PKM: variants seen among roughly 807,000 people sequenced by gnomAD.
The protein encoded by PKM is pyruvate kinase M1/2.
Under a neutral mutation model 49.8 loss-of-function variants are expected in PKM, and 18 were observed. The ratio of observed to expected loss-of-function variants is 0.36; its 90% CI spans 0.25 to 0.54. PKM has a LOEUF of 0.54. PKM is among the 20% of genes least tolerant of loss of function. PKM has a pLI of 0.89. For synonymous variants in PKM, 239 were observed against 261.8 expected, an observed-to-expected ratio of 0.91 and a Z score of 0.84; for missense variants, 508 against 713.8, an observed-to-expected ratio of 0.71 and a Z score of 3.28.
chr15:72,205,577 C>G (rs958137389), intron 8 of PKM, among the ~76,000 whole-genome samples: 1 of 148,488 alleles, frequency 6.7e-6, no homozygotes, highest in South Asian at 2.1e-4. Context: ...TAACAGGATA[C>G]ATAGTGAAAA....
intron 2 of PKM, 111 bp downstream of exon 2, chr15:72,218,833 T>C (rs927843245): frequency 9.3e-7 from 1 of 1,074,832 alleles, no homozygotes; most frequent in Non-Finnish European, 1.4e-6. Context: ...AGAATCTGTG[T>C]AGTATCCCAT....
intron 6 of PKM, among the ~76,000 whole-genome samples, chr15:72,207,527 G>C (rs965403158): frequency 2.0e-5 from 3 of 152,208 alleles, no homozygotes; most frequent in Admixed American, 1.3e-4. Context: ...AGAAAGGGGA[G>C]AGGGCAAATC....
At chr15:72,215,827 G>T (rs1321712662) in intron 3 of PKM, among the ~76,000 whole-genome samples, 1 of 152,014 alleles carries the variant, frequency 6.6e-6, no homozygotes, top group Non-Finnish European at 1.5e-5. Context: ...CTCCAGCATT[G>T]TCTTCAGCTC....
chr15:72,229,271 A>C (rs1310321980), intron 1 of PKM, among the ~76,000 whole-genome samples: 1 of 152,242 alleles, frequency 6.6e-6, no homozygotes, highest in Non-Finnish European at 1.5e-5. Context: ...ACACTTACTG[A>C]GTGTGCCACA....
chr15:72,222,150 G>A (rs990170852), intron 1 of PKM, among the ~76,000 whole-genome samples: 4 of 152,168 alleles, frequency 2.6e-5, no homozygotes, highest in Non-Finnish European at 5.9e-5. Flanking sequence ...TAAATCTGAT[G>A]CCTATAAGCT....
chr15:72,203,103 A>C (rs748025779), intron 8 of PKM: 2 of 1,614,184 alleles, frequency 1.2e-6, no homozygotes, highest in Non-Finnish European at 1.7e-6. Flanking sequence ...CATGGCTTCC[A>C]TGAGGTCTGT....
intron 1 of PKM, chr15:72,230,898 G>T: frequency 7.8e-7 from 1 of 1,283,538 alleles, no homozygotes; most frequent in Non-Finnish European, 1.0e-6. Context: ...CGGCGGACCC[G>T]CCTGATCTGG....
At chr15:72,209,598 C>T (rs1412080542) in intron 5 of PKM, 75 bp downstream of exon 5, 2 of 1,320,480 alleles carry the variant, frequency 1.5e-6, no homozygotes, top group Non-Finnish European at 1.1e-6. Flanking sequence ...ACCAACCTTC[C>T]CATCTTCCTT....
rs777051610 is a variant in PKM, at chr15:72,202,629, G to A, written c.1141-9C>T. ...TCTGCCTCACGGGCAATCTAGGGGAGCAACATCCGTCCAGAGGGACGAGAG... is the reference window on the plus strand; with the variant it reads ...TCTGCCTCACGGGCAATCTAGGGGAACAACATCCGTCCAGAGGGACGAGAG... On this transcript the variant is annotated splice_polypyrimidine_tract_variant and intron_variant, in intron 8 of 10. Transcript: ENST00000335181. The surrounding 1 kb of genome is among the most constrained non-coding windows in gnomAD (Gnocchi z 4.5). The A allele has an allele frequency of 1.9e-6, 3 of 1,611,234 alleles. No individual in the cohort carries two copies. The African/African-American group carries it at 4.0e-5, about 22-fold the overall frequency.
intron 8 of PKM, among the ~76,000 whole-genome samples, chr15:72,205,081 G>A (rs539161069): frequency 6.6e-6 from 1 of 152,228 alleles, no homozygotes; most frequent in East Asian, 1.9e-4. Flanking sequence ...GGGCCTGGGA[G>A]AGAAATCACT....
intron 1 of PKM, among the ~76,000 whole-genome samples, chr15:72,221,523 AC>A (rs1290228479): frequency 1.3e-5 from 2 of 152,032 alleles, no homozygotes; most frequent in Non-Finnish European, 2.9e-5. Flanking sequence ...GAGGATATAT[AC>A]TGAAATTTTA....
At position 72,231,034 on chromosome 15, in the gene PKM, C is replaced by T. The variant is rs575017944; in HGVS notation, c.-14+82G>A. On this transcript the variant is annotated intron_variant, in intron 1 of 10. Transcript: ENST00000335181. ...GCCGCCCTGCCTGCGTGCCCGGGGC[C>T]GGCCGGCGCGCCGGGATTCCGCACT... The T allele has an allele frequency of 1.4e-4, 150 of 1,105,696 alleles. 1 individual carries two copies. In the East Asian group the frequency reaches 6.6e-3, roughly 49 times the overall value. 68.5% of individuals were successfully genotyped at this position (1,105,696 alleles called of 1,614,324 possible).
chr15:72,209,844 C>T lies in PKM; in HGVS notation c.394G>A (p.Val132Met). The T allele has an allele frequency of 1.9e-6, 3 of 1,614,100 alleles. No individual in the cohort carries two copies. Among genetic ancestry groups the T allele is most frequent in the Non-Finnish European group, 2.5e-6 (3 of 1,179,984 alleles). Reference sequence around the variant, plus strand: ...AGAGTGGCTCCCTTCTTCAGCTCCACCTCTGCAGTGCCGCTCTAGGGACAA... The same window carrying T: ...AGAGTGGCTCCCTTCTTCAGCTCCATCTCTGCAGTGCCGCTCTAGGGACAA... Reference protein sequence around the residue: ...GLIKGSGTAEVELKKGATLKI... With the variant: ...GLIKGSGTAEMELKKGATLKI... Residue 132 changes from valine to methionine, a missense_variant, in exon 5 of 11, where the codon GTG becomes ATG. Coordinates refer to ENST00000335181, the MANE Select transcript of PKM (RefSeq NM_002654.6).
chr15:72,223,787 A>G (rs906020452), intron 1 of PKM, among the ~76,000 whole-genome samples: 1 of 152,178 alleles, frequency 6.6e-6, no homozygotes, highest in African/African-American at 2.4e-5. Flanking sequence ...GATATCTTCT[A>G]GCTAAGAGAC....
In PKM at chr15:72,200,609, C is replaced by T; in HGVS notation, c.1354G>A (p.Ala452Thr). ...GCTGTCTGGGGATTCCGGGTCACAG[C>T]AATGATGGGGGCACGTGGGCGGTAT... ...ARYRPRAPII[A>T]VTRNPQTARQ... Residue 452 changes from alanine (A) to threonine (T), a missense_variant, in exon 10 of 11, where the codon GCT (alanine) becomes ACT (threonine). Ala to Thr is a moderately conservative substitution (Grantham distance 58). Transcript: ENST00000335181. The surrounding 1 kb of genome is among the most constrained non-coding windows in gnomAD (Gnocchi z 4.6). 6.2e-7 allele frequency: 1 copy of T among 1,613,744 alleles called. No homozygotes were observed.
At chr15:72,218,542 C>G (rs1408542600) in intron 2 of PKM, among the ~76,000 whole-genome samples, 1 of 151,992 alleles carries the variant, frequency 6.6e-6, no homozygotes, top group African/African-American at 2.4e-5. Flanking sequence ...GTCTCAGCCT[C>G]CCATGTAGCC....
chr15:72,206,712 A>G lies in PKM; in HGVS notation c.1140+16T>C. 1 of 1,611,560 alleles carries G rather than the reference A, an allele frequency of 6.2e-7. No individual in the cohort carries two copies. The highest frequency in any genetic ancestry group is 8.5e-7 in the Non-Finnish European group (1 of 1,179,246). On this transcript the variant is annotated intron_variant, in intron 8 of 10. Coordinates refer to ENST00000335181, the MANE Select transcript of PKM (RefSeq NM_002654.6). Reference sequence around the variant, plus strand: ...AGTCCGAAGCCCTGGGGGATGGGGCAGGCCCCAGAACTCACCAGGTGCTGC... The same window carrying G: ...AGTCCGAAGCCCTGGGGGATGGGGCGGGCCCCAGAACTCACCAGGTGCTGC...
Position 72,207,017 on chromosome 15 carries a change from T to A in PKM, c.987+110A>T, listed in dbSNP as rs1444704601. The A allele has an allele frequency of 2.7e-6, 4 of 1,488,854 alleles. No individual in the cohort carries two copies. In the East Asian group the frequency reaches 9.1e-5, roughly 34 times the overall value. 92.2% of individuals were successfully genotyped at this position (1,488,854 alleles called of 1,614,324 possible). ...AGGTACATGGGGGAAGGGGATTATC[T>A]GTGTGTTACGTGCGACAATTCCATG... On this transcript the variant is annotated intron_variant, in intron 7 of 10. Transcript: ENST00000335181.
At position 72,202,397 on chromosome 15, in the gene PKM, C is replaced by A; in HGVS notation, c.1307+57G>T. The A allele has an allele frequency of 6.5e-7, 1 of 1,547,042 alleles. No individual in the cohort carries two copies. Among genetic ancestry groups the A allele is most frequent in the East Asian group, 2.3e-5 (1 of 43,572 alleles). On this transcript the variant is annotated intron_variant, in intron 9 of 10. Coordinates refer to ENST00000335181, the MANE Select transcript of PKM (RefSeq NM_002654.6). This position sits in a 1 kb window ranked among gnomAD's most constrained non-coding sequence, Gnocchi z 4.5. ...TTGTTCAATGGACTGCTCCCAGGAC[C>A]CCCAAGGTGAGGTACCACTGAGCAG...
Sources: allele counts gnomAD v4.1 joint callset (sites outside exome capture counted in the v4.1 genomes callset), GRCh38; gene constraint gnomAD v4.1.1; non-coding constraint Gnocchi (gnomAD v3.1); transcripts MANE v1.5; gene names NCBI Gene and HGNC (gene_info 2026-07-23, HGNC 2026-07-21).